TNKS2: variants seen among roughly 807,000 people sequenced by gnomAD.
The protein encoded by TNKS2 is tankyrase 2.
Under a neutral mutation model 137.6 loss-of-function variants are expected in TNKS2, and 72 were observed. The observed-to-expected ratio is 0.52, with a 90% CI of 0.43 to 0.64. TNKS2 has a LOEUF of 0.64. Among genes scored for constraint, TNKS2 ranks in the 30% least tolerant of loss-of-function variants. The pLI, the probability that TNKS2 is intolerant of heterozygous loss-of-function variation, is 0.00. For synonymous variants in TNKS2, 516 were observed against 512.1 expected (o/e 1.01, Z -0.10); for missense variants, 1,049 against 1,410.2 (o/e 0.74, Z 4.10).
At chr10:91,860,968 CTCT>C (rs1474921689) in intron 25 of TNKS2, among the ~76,000 whole-genome samples, 3 of 152,158 alleles carry the variant, frequency 2.0e-5, no homozygotes, top group African/African-American at 7.2e-5. Flanking sequence ...TAATACCTCC[CTCT>C]TCTTTGGAAG....
chr10:91,800,932 G>A lies in TNKS2; in HGVS notation c.199+2043G>A, dbSNP rs114546700. Reference sequence around the variant, plus strand: ...ATCAGTCATGTTAATGTGCCTGCAAGCATACTGTTGGAAGTTCAACACAGG... The same window carrying A: ...ATCAGTCATGTTAATGTGCCTGCAAACATACTGTTGGAAGTTCAACACAGG... On this transcript the variant is annotated intron_variant, in intron 1 of 26. Transcript: ENST00000371627. Among the ~76,000 whole-genome samples the A allele has an allele frequency of 4.5e-3, 681 of 152,314 alleles. 8 individuals are homozygous for A. The highest frequency in any genetic ancestry group is 0.016 in the African/African-American group (646 of 41,554).
intron 6 of TNKS2, among the ~76,000 whole-genome samples, chr10:91,821,455 T>C (rs1177027022): frequency 6.6e-6 from 1 of 152,078 alleles, no homozygotes; most frequent in Non-Finnish European, 1.5e-5. Context: ...AGGAAAGCCA[T>C]GAACCTTTAA....
intron 1 of TNKS2, among the ~76,000 whole-genome samples, chr10:91,806,042 C>CTTTTTTTTT (rs34004456): frequency 4.6e-5 from 6 of 130,040 alleles, no homozygotes; most frequent in East Asian, 2.2e-4. Context: ...CATTCTTTCT[C>CTTTTTTTTT]TTTTTTTTTT....
chr10:91,831,373 T>A (rs1450019972), intron 11 of TNKS2, among the ~76,000 whole-genome samples, 192 bp downstream of exon 11: 1 of 152,230 alleles, frequency 6.6e-6, no homozygotes, highest in African/African-American at 2.4e-5. Flanking sequence ...TATGGGTTTA[T>A]TCAGATACAC....
Position 91,848,998 on chromosome 10 carries a change from G to T in TNKS2, c.2611+363G>T, listed in dbSNP as rs11186709. ...ATTGCAGGCACCCACCACCATGCCC[G>T]GCTAATTTTTGTAGTTTTAGTAGAG... On this transcript the variant is annotated intron_variant, in intron 19 of 26. Transcript: ENST00000371627. 1.1e-3 allele frequency among the ~76,000 whole-genome samples: 163 copies of T among 152,160 alleles called. 2 individuals are homozygous for T. In the East Asian group the frequency reaches 0.03, roughly 28 times the overall value.
At chr10:91,858,205 G>C (rs1038694300) in intron 24 of TNKS2, among the ~76,000 whole-genome samples, 1 of 152,108 alleles carries the variant, frequency 6.6e-6, no homozygotes, top group African/African-American at 2.4e-5. Flanking sequence ...TTAGAGACCT[G>C]TAAAGTTCTC....
At chr10:91,821,188 C>T (rs1844879405) in intron 6 of TNKS2, among the ~76,000 whole-genome samples, 2 of 152,118 alleles carry the variant, frequency 1.3e-5, no homozygotes, top group Admixed American at 1.3e-4. Context: ...CAGGTGCACA[C>T]CACCACGCCT....
At chr10:91,849,487 T>A (rs2133668085) in intron 19 of TNKS2, 25 bp from the exon 20 acceptor site, 1 of 1,575,620 alleles carries the variant, frequency 6.3e-7, no homozygotes, top group South Asian at 1.1e-5. Flanking sequence ...AAATTCCATT[T>A]GTTTTGGATT....
chr10:91,862,851 C>G, intron 26 of TNKS2, 86 bp from the exon 27 acceptor site: 1 of 896,652 alleles, frequency 1.1e-6, no homozygotes, highest in South Asian at 1.6e-5. Context: ...GAACCTCCTC[C>G]CTAAGATTAG....
At chr10:91,827,939 T>G (rs1443779073) in intron 8 of TNKS2, among the ~76,000 whole-genome samples, 1 of 151,870 alleles carries the variant, frequency 6.6e-6, no homozygotes, top group African/African-American at 2.4e-5. Context: ...AGAGAAAAAT[T>G]TTTGTGCTTG....
intron 1 of TNKS2, among the ~76,000 whole-genome samples, chr10:91,803,077 C>T (rs1844220235): frequency 6.6e-6 from 1 of 152,182 alleles, no homozygotes; most frequent in East Asian, 1.9e-4. Flanking sequence ...GAGGCCATGG[C>T]GTTCTTTTCC....
At chr10:91,803,330 A>G (rs1049940009) in intron 1 of TNKS2, among the ~76,000 whole-genome samples, 10 of 151,992 alleles carry the variant, frequency 6.6e-5, no homozygotes, top group Admixed American at 5.2e-4. Context: ...CTGGGCAACA[A>G]TGGTGACACC....
At chr10:91,858,155 C>T (rs910895743) in intron 24 of TNKS2, among the ~76,000 whole-genome samples, 2 of 152,058 alleles carry the variant, frequency 1.3e-5, no homozygotes, top group African/African-American at 4.8e-5. Flanking sequence ...CATAGTAGTT[C>T]CAGTCTGTTT....
chr10:91,848,978 A>G (rs1247968347), intron 19 of TNKS2, among the ~76,000 whole-genome samples: 1 of 152,160 alleles, frequency 6.6e-6, no homozygotes, highest in South Asian at 2.1e-4. Context: ...CTGAAATTGC[A>G]GGCACCCACC....
chr10:91,835,685 T>C (rs1184813917), intron 12 of TNKS2, among the ~76,000 whole-genome samples: 1 of 151,062 alleles, frequency 6.6e-6, no homozygotes, highest in African/African-American at 2.4e-5. Flanking sequence ...TGGAGTACAG[T>C]GCTGCGATCT....
At chr10:91,807,995 CAAA>C (rs35736923) in intron 1 of TNKS2, among the ~76,000 whole-genome samples, 23,662 of 118,756 alleles carry the variant, frequency 0.2, 1,852 homozygotes, top group Middle Eastern at 0.3. Context: ...GACTCTGTCT[CAAA>C]AAAAAAAAAA....
In TNKS2 at chr10:91,840,646, G is replaced by A. The variant is rs771301565; in HGVS notation, c.1613G>A (p.Arg538Lys). ...TPLHFAAGYN[R>K]VSVVEYLLQH... ...CTTCATTTTGCAGCTGGGTATAACA[G>A]AGTGTCCGTGGTGGAATATCTGCTA... The change falls in exon 14 of 27, where the codon AGA becomes AAA. Residue 538 changes from arginine to lysine, a missense_variant. Coordinates refer to ENST00000371627, the MANE Select transcript of TNKS2 (RefSeq NM_025235.4). The A allele has an allele frequency of 6.2e-7, 1 of 1,614,202 alleles. No individual in the cohort carries two copies. The highest frequency in any genetic ancestry group is 2.2e-5 in the East Asian group (1 of 44,880).
chr10:91,801,990 GC>G (rs1468325763), intron 1 of TNKS2, among the ~76,000 whole-genome samples: 1 of 152,192 alleles, frequency 6.6e-6, no homozygotes, highest in East Asian at 1.9e-4. Flanking sequence ...TTATCTTGAT[GC>G]CCATCATAGA....
At chr10:91,857,345 G>A (rs1842736728) in intron 23 of TNKS2, 80 bp from the exon 24 acceptor site, 1 of 865,662 alleles carries the variant, frequency 1.2e-6, no homozygotes, top group South Asian at 2.1e-5. Flanking sequence ...CTAGCTAAAT[G>A]TATGTCCCAT....
Sources: allele counts gnomAD v4.1 joint callset (sites outside exome capture counted in the v4.1 genomes callset), GRCh38; gene constraint gnomAD v4.1.1; transcripts MANE v1.5; gene names NCBI Gene and HGNC (gene_info 2026-07-23, HGNC 2026-07-21).